MELK: variants seen among roughly 807,000 people sequenced by gnomAD.
MELK encodes the protein pEg3 kinase.
Under a neutral mutation model 85.0 loss-of-function variants are expected in MELK, and 81 were observed. The observed-to-expected ratio is 0.95, with a 90% CI of 0.80 to 1.15. The LOEUF is 1.15. Ranked by LOEUF, MELK falls within the 50% of genes most tolerant of loss-of-function variation. The probability of loss-of-function intolerance (pLI) is 0.00; values close to 1 mark genes in which losing one functional copy is unlikely to be tolerated. For synonymous variants in MELK, 252 were observed against 265.0 expected (o/e 0.95, Z 0.48); for missense variants, 754 against 777.5 (o/e 0.97, Z 0.36).
intron 4 of MELK, 126 bp from the exon 5 acceptor site, chr9:36,594,502 C>T: frequency 1.9e-6 from 2 of 1,040,796 alleles, no homozygotes; most frequent in Non-Finnish European, 2.8e-6. Flanking sequence ...ATATACCTTA[C>T]TCGGTTCCAT....
intron 13 of MELK, among the ~76,000 whole-genome samples, chr9:36,658,691 T>C (rs931653185): frequency 2.7e-5 from 4 of 145,678 alleles, no homozygotes; most frequent in African/African-American, 1.0e-4. Flanking sequence ...TGGGCCATCC[T>C]TTTTGTTTGT....
intron 8 of MELK, among the ~76,000 whole-genome samples, chr9:36,614,422 TGG>T (rs1826346074): frequency 1.3e-4 from 9 of 70,014 alleles, no homozygotes; most frequent in African/African-American, 4.7e-4. Flanking sequence ...AAATTATTTT[TGG>T]GTTTTTTTTT....
At chr9:36,583,231 C>T (rs1822442295) in intron 2 of MELK, among the ~76,000 whole-genome samples, 1 of 152,048 alleles carries the variant, frequency 6.6e-6, no homozygotes, top group Admixed American at 6.6e-5. Flanking sequence ...CCTCGGTCTC[C>T]CAAAGTGCTG....
chr9:36,674,745 T>C (rs1476334334), intron 16 of MELK, 89 bp from the exon 17 acceptor site: 3 of 716,246 alleles, frequency 4.2e-6, no homozygotes, highest in East Asian at 2.5e-5. Context: ...CAGTACTATA[T>C]TGAGGAGTTT....
chr9:36,602,888 C>T lies in MELK; in HGVS notation c.567+3402C>T, dbSNP rs151146087. ...ACATCCTTTTTAGTGAATACTGTTA[C>T]CCTATCCCATAAGATAAAGAAGATG... On this transcript the variant is annotated intron_variant, in intron 7 of 17. Transcript: ENST00000298048. 1.9e-4 allele frequency among the ~76,000 whole-genome samples: 29 copies of T among 152,224 alleles called. 1 individual carries two copies. The East Asian group carries it at 5.2e-3, about 27-fold the overall frequency.
At chr9:36,664,151 T>G (rs1251235585) in intron 13 of MELK, among the ~76,000 whole-genome samples, 1 of 152,204 alleles carries the variant, frequency 6.6e-6, no homozygotes, top group African/African-American at 2.4e-5. Flanking sequence ...TGTTTTTATT[T>G]CTAGAAGTTT....
chr9:36,636,434 G>A (rs1445112192), intron 10 of MELK, among the ~76,000 whole-genome samples: 1 of 152,022 alleles, frequency 6.6e-6, no homozygotes, highest in Non-Finnish European at 1.5e-5. Context: ...CCTGGGAGGC[G>A]GAGGTTGCAG....
intron 1 of MELK, among the ~76,000 whole-genome samples, chr9:36,578,942 A>C (rs1821916005): frequency 6.6e-6 from 1 of 152,048 alleles, no homozygotes; most frequent in African/African-American, 2.4e-5. Flanking sequence ...TCCTGGGTTC[A>C]AGCAATTCTC....
intron 8 of MELK, among the ~76,000 whole-genome samples, chr9:36,613,931 T>C (rs890893022): frequency 2.0e-5 from 3 of 152,034 alleles, no homozygotes; most frequent in Non-Finnish European, 1.5e-5. Flanking sequence ...TTGGAGGCTT[T>C]TGAGGACATG....
intron 15 of MELK, 38 bp from the exon 16 acceptor site, chr9:36,670,960 C>A (rs754241588): frequency 6.4e-7 from 1 of 1,571,236 alleles, no homozygotes; most frequent in Non-Finnish European, 8.6e-7. Flanking sequence ...GGCCGGAGGC[C>A]CAGCTCTACT....
intron 8 of MELK, among the ~76,000 whole-genome samples, 181 bp downstream of exon 8, chr9:36,607,854 G>A (rs570874558): frequency 5.9e-5 from 9 of 152,280 alleles, no homozygotes; most frequent in African/African-American, 2.2e-4. Context: ...CTTAATCTGG[G>A]AGTTGGCTAC....
chr9:36,645,193 G>A (rs1344439932), intron 11 of MELK, among the ~76,000 whole-genome samples: 1 of 150,162 alleles, frequency 6.7e-6, no homozygotes, highest in Admixed American at 6.6e-5. Flanking sequence ...GGGAGGCAGA[G>A]GTTGCAGTGA....
At chr9:36,615,584 C>T (rs1826628942) in intron 8 of MELK, among the ~76,000 whole-genome samples, 1 of 133,590 alleles carries the variant, frequency 7.5e-6, no homozygotes, top group South Asian at 2.4e-4. Flanking sequence ...CGGAGAGGCT[C>T]CTCACTTCTC....
intron 13 of MELK, among the ~76,000 whole-genome samples, chr9:36,663,958 G>A (rs1427568631): frequency 6.6e-6 from 1 of 152,188 alleles, no homozygotes; most frequent in Non-Finnish European, 1.5e-5. Flanking sequence ...CTGGAACTTA[G>A]AATAGCCTTA....
At chr9:36,634,464 A>G (rs1828925860) in intron 10 of MELK, among the ~76,000 whole-genome samples, 1 of 152,030 alleles carries the variant, frequency 6.6e-6, no homozygotes, top group African/African-American at 2.4e-5. Flanking sequence ...TAATCCCAGC[A>G]CTTTGGGAGG....
intron 7 of MELK, chr9:36,606,911 A>G (rs527779889): frequency 6.6e-6 from 1 of 152,042 alleles, no homozygotes; most frequent in African/African-American, 2.4e-5. Context: ...CAGCCTTCCG[A>G]GTAGCTGGGA....
intron 10 of MELK, among the ~76,000 whole-genome samples, chr9:36,640,294 GA>G (rs1829641132): frequency 6.6e-6 from 1 of 151,790 alleles, no homozygotes; most frequent in African/African-American, 2.4e-5. Flanking sequence ...TAAAAATAAA[GA>G]AAAAAAAGAT....
chr9:36,659,128 G>A (rs1029298985), intron 13 of MELK, among the ~76,000 whole-genome samples: 19 of 152,018 alleles, frequency 1.2e-4, no homozygotes, highest in Non-Finnish European at 1.8e-4. Context: ...TGATCCGCCC[G>A]CCTCGGCCTC....
chr9:36,626,026 G>A (rs1827894226), intron 8 of MELK, among the ~76,000 whole-genome samples: 1 of 152,148 alleles, frequency 6.6e-6, no homozygotes, highest in Non-Finnish European at 1.5e-5. Context: ...ACTGAATAAG[G>A]GTTCTAGGTT....
Sources: gnomAD v4.1 joint callset for allele counts (sites outside exome capture counted in the v4.1 genomes callset) on GRCh38, gnomAD v4.1.1 for gene constraint, MANE v1.5 for transcripts, NCBI Gene and HGNC (gene_info 2026-07-23, HGNC 2026-07-21) for gene names.